Variants in LINGO2 observed in about 807,000 individuals in gnomAD.
LINGO2 encodes leucine-rich repeat and immunoglobulin-like domain-containing nogo receptor-interacting protein 2.
A neutral mutation model predicts 30.6 loss-of-function variants in LINGO2; 14 were observed. The ratio of observed to expected loss-of-function variants is 0.46; its 90% CI spans 0.30 to 0.72. The LOEUF is 0.72. LINGO2 is among the 30% of genes least tolerant of loss of function. The pLI is 0.07. For synonymous variants in LINGO2, 317 were observed against 288.5 expected, an observed-to-expected ratio of 1.10 and a Z score of -1.00; for missense variants, 729 against 751.7, an observed-to-expected ratio of 0.97 and a Z score of 0.35.
chr9:28,739,387 G>C, the LINGO2 span, among the ~76,000 whole-genome samples: 1 of 151,730 alleles, frequency 6.6e-6, no homozygotes, highest in African/African-American at 2.4e-5. Flanking sequence ...GGAAACACAA[G>C]AACAACAGCC....
rs117714813 is a variant in LINGO2, at chr9:28,079,089, A to G, written c.-86-66684T>C. Among the ~76,000 whole-genome samples the G allele has an allele frequency of 2.5e-3, 371 of 147,680 alleles. 10 individuals are homozygous for G. The South Asian group carries it at 0.047, about 19-fold the overall frequency. Reference sequence around the variant, plus strand: ...AATTCTTTAAATTAAGATTTAAGTGAAGATATATTTGTTAAATTTGCAGGT... The same window carrying G: ...AATTCTTTAAATTAAGATTTAAGTGGAGATATATTTGTTAAATTTGCAGGT... On this transcript the variant is annotated intron_variant, in intron 4 of 5. Transcript: ENST00000379992.
intron 4 of LINGO2, among the ~76,000 whole-genome samples, chr9:28,090,191 G>T (rs891394024): frequency 7.9e-5 from 12 of 152,126 alleles, no homozygotes; most frequent in African/African-American, 2.7e-4. Context: ...GAAAAAGAGG[G>T]AGTCCTCCCT....
chr9:28,434,702 G>A (rs1823851249), intron 2 of LINGO2, among the ~76,000 whole-genome samples: 1 of 152,024 alleles, frequency 6.6e-6, no homozygotes, highest in Admixed American at 6.5e-5. Context: ...TAAATGAGAA[G>A]GCCAATACAA....
chr9:28,298,398 G>C (rs1431482038), intron 3 of LINGO2, among the ~76,000 whole-genome samples: 2 of 151,500 alleles, frequency 1.3e-5, no homozygotes, highest in African/African-American at 2.4e-5. Flanking sequence ...GGGCGCAGTG[G>C]CTCACACCTG....
At chr9:28,387,266 T>C (rs1289731521) in intron 2 of LINGO2, among the ~76,000 whole-genome samples, 1 of 151,586 alleles carries the variant, frequency 6.6e-6, no homozygotes, top group African/African-American at 2.4e-5. Flanking sequence ...ATGCACCAAT[T>C]GGCACTCTGT....
the LINGO2 span, among the ~76,000 whole-genome samples, chr9:28,725,095 T>C: frequency 1.3e-5 from 2 of 152,080 alleles, no homozygotes; most frequent in Non-Finnish European, 2.9e-5. Flanking sequence ...TTTTTAATGA[T>C]GATCTATTCC....
intron 4 of LINGO2, among the ~76,000 whole-genome samples, chr9:28,065,522 T>C (rs2133147043): frequency 6.6e-6 from 1 of 152,278 alleles, no homozygotes; most frequent in East Asian, 1.9e-4. Flanking sequence ...TACCTTTTTA[T>C]TACTTTAAAA....
the LINGO2 span, among the ~76,000 whole-genome samples, chr9:29,096,007 A>G: frequency 2.9e-5 from 4 of 138,352 alleles, 1 homozygote. Flanking sequence ...AATAAATAGG[A>G]TCATGTTGGA....
chr9:29,083,873 C>A, the LINGO2 span, among the ~76,000 whole-genome samples: 1 of 151,948 alleles, frequency 6.6e-6, no homozygotes, highest in African/African-American at 2.4e-5. Context: ...AAAGGATCAG[C>A]CATAATATTA....
intron 4 of LINGO2, among the ~76,000 whole-genome samples, chr9:28,099,336 G>T (rs1826341983): frequency 6.6e-6 from 1 of 152,024 alleles, no homozygotes; most frequent in African/African-American, 2.4e-5. Context: ...TTTTATTTTT[G>T]AAAAATATTT....
At chr9:28,918,935 G>C in the LINGO2 span, among the ~76,000 whole-genome samples, 1 of 152,122 alleles carries the variant, frequency 6.6e-6, no homozygotes, top group Non-Finnish European at 1.5e-5. Flanking sequence ...ACTAAGCTAA[G>C]GAGAAAATAT....
At chr9:29,174,032 T>TA in the LINGO2 span, among the ~76,000 whole-genome samples, 1 of 151,732 alleles carries the variant, frequency 6.6e-6, no homozygotes, top group East Asian at 1.9e-4. Flanking sequence ...ATGTTGTTTA[T>TA]AAAAAACTAT....
At chr9:28,047,297 A>AT (rs1446163654) in intron 4 of LINGO2, among the ~76,000 whole-genome samples, 2 of 152,040 alleles carry the variant, frequency 1.3e-5, no homozygotes, top group Non-Finnish European at 2.9e-5. Context: ...ATGGAGGATG[A>AT]TTGTAGGTTC....
intron 3 of LINGO2, among the ~76,000 whole-genome samples, chr9:28,338,949 AAAC>A (rs1825677018): frequency 2.0e-5 from 3 of 152,120 alleles, no homozygotes; most frequent in African/African-American, 7.2e-5. Context: ...ACAAACAAAC[AAAC>A]AAACGTTAAA....
At chr9:28,359,621 C>A (rs1249856786) in intron 3 of LINGO2, among the ~76,000 whole-genome samples, 2 of 152,150 alleles carry the variant, frequency 1.3e-5, no homozygotes, top group Non-Finnish European at 2.9e-5. Context: ...AAGCATACCA[C>A]AAAATTAACA....
chr9:28,842,707 C>T, the LINGO2 span, among the ~76,000 whole-genome samples: 1 of 151,858 alleles, frequency 6.6e-6, no homozygotes, highest in African/African-American at 2.4e-5. Context: ...TTCATTTTCA[C>T]TCTTCCAAAT....
intron 1 of LINGO2, among the ~76,000 whole-genome samples, chr9:28,639,532 A>C (rs1438433853): frequency 6.6e-6 from 1 of 152,178 alleles, no homozygotes; most frequent in Non-Finnish European, 1.5e-5. Context: ...TATTTAGGAT[A>C]GTTAGCTCTT....
rs139904337 is a variant in LINGO2 at position 28,501,994 on chromosome 9, G to C, written c.-364-25969C>G. Among the ~76,000 whole-genome samples the C allele has an allele frequency of 3.9e-3, 592 of 151,806 alleles. 3 individuals are homozygous for C. The highest frequency in any genetic ancestry group is 0.013 in the African/African-American group (537 of 41,412). ...AAGTAGGAGGAAGGGAGGAAGAAGA[G>C]AAAGAGAAAAAGAAAAGAAAGGAAG... On this transcript the variant is annotated intron_variant, in intron 1 of 5. Coordinates refer to ENST00000379992, the Ensembl canonical transcript of LINGO2.
the LINGO2 span, among the ~76,000 whole-genome samples, chr9:28,774,010 G>A: frequency 2.7e-5 from 4 of 149,114 alleles, no homozygotes; most frequent in Admixed American, 6.8e-5. Flanking sequence ...GAAATTTTAG[G>A]TATGTGGGCC....
Sources: allele counts gnomAD v4.1 joint callset (sites outside exome capture counted in the v4.1 genomes callset), GRCh38; gene constraint gnomAD v4.1.1; transcripts MANE v1.5; gene names NCBI Gene and HGNC (gene_info 2026-07-23, HGNC 2026-07-21).